The following C16orf96 variants were observed in gnomAD, a reference collection of about 807,000 sequenced individuals.
C16orf96 encodes the protein uncharacterized protein C16orf96.
In C16orf96, 108 loss-of-function variants were observed where a neutral mutation model predicts 103.6. The observed-to-expected ratio is 1.04, with a 90% CI of 0.89 to 1.22. C16orf96 has a LOEUF of 1.22. Among genes scored for constraint, C16orf96 ranks in the 50% most tolerant of loss-of-function variants. C16orf96 has a pLI of 0.00. For missense variants in C16orf96, 1,586 were observed against 1,464.2 expected, an observed-to-expected ratio of 1.08 and a Z score of -1.36; for synonymous variants, 566 against 593.5, an observed-to-expected ratio of 0.95 and a Z score of 0.67.
rs186917893 is a variant in C16orf96 at position 4,593,662 on chromosome 16, C to G, written c.2867+346C>G. ...AGGGAATCGGTGATGATGGGGAACC[C>G]TCAGGGAGCCGCTGCTGTGCCCGGC... On this transcript the variant is annotated intron_variant, in intron 12 of 15. Coordinates refer to ENST00000444310, the MANE Select transcript of C16orf96 (RefSeq NM_001145011.2). The surrounding 1 kb of genome is among the most constrained non-coding windows in gnomAD (Gnocchi z 4.2). 1.7e-3 allele frequency among the ~76,000 whole-genome samples: 261 copies of G among 152,252 alleles called. 1 individual carries two copies. Among genetic ancestry groups the G allele is most frequent in the African/African-American group, 6.1e-3 (254 of 41,560 alleles).
chr16:4,562,913 A>T, intron 1 of C16orf96: 1 of 1,421,338 alleles, frequency 7.0e-7, no homozygotes, highest in Non-Finnish European at 9.8e-7. Context: ...GTTTCATTTC[A>T]CCTTCAGGAT....
chr16:4,588,334 G>A lies in C16orf96; in HGVS notation c.2592+3G>A. 1 of 1,546,868 alleles carries A rather than the reference G, an allele frequency of 6.5e-7. No individual in the cohort carries two copies. Among genetic ancestry groups the A allele is most frequent in the Non-Finnish European group, 8.7e-7 (1 of 1,143,296 alleles). On this transcript the variant is annotated splice_donor_region_variant and intron_variant, in intron 9 of 15. Transcript: ENST00000444310. Reference sequence around the variant, plus strand: ...TCAGCAAGGACGTGAACACCAAGGTGAATGCCCCCATGTTGATTTTCACTT... The same window carrying A: ...TCAGCAAGGACGTGAACACCAAGGTAAATGCCCCCATGTTGATTTTCACTT...
intron 3 of C16orf96, 53 bp downstream of exon 3, chr16:4,574,842 C>G (rs1004173653): frequency 1.3e-6 from 2 of 1,537,958 alleles, no homozygotes; most frequent in African/African-American, 2.7e-5. Flanking sequence ...CCCCCAACCT[C>G]CCGGGTCCTG....
chr16:4,550,328 G>A, the C16orf96 span, among the ~76,000 whole-genome samples: 23 of 152,010 alleles, frequency 1.5e-4, no homozygotes, highest in Admixed American at 1.5e-3. Flanking sequence ...CACGTGATCC[G>A]CCCATCTCAG....
chr16:4,569,990 G>A (rs1012984091), intron 1 of C16orf96, among the ~76,000 whole-genome samples: 1 of 152,144 alleles, frequency 6.6e-6, no homozygotes, highest in African/African-American at 2.4e-5. Flanking sequence ...CGCTCAAAAG[G>A]AGACCCCTGC....
upstream of C16orf96, among the ~76,000 whole-genome samples, chr16:4,553,789 C>G (rs549848474): frequency 6.6e-6 from 1 of 152,294 alleles, no homozygotes; most frequent in East Asian, 1.9e-4. Flanking sequence ...GAAACGTTTT[C>G]CATCAGCACT....
In C16orf96 at chr16:4,568,889, C is replaced by G. The variant is rs537801890; in HGVS notation, c.421-2672C>G. 6.6e-5 allele frequency among the ~76,000 whole-genome samples: 10 copies of G among 152,156 alleles called. No individual in the cohort carries two copies. In the South Asian group the frequency reaches 1.9e-3, roughly 28 times the overall value. On this transcript the variant is annotated intron_variant, in intron 1 of 15. Transcript: ENST00000444310. ...AAGTGATCCACCTGCTTCAGCCCCCCAAAATGCTGGGATTACAGATGTGAG... is the reference window on the plus strand; with the variant it reads ...AAGTGATCCACCTGCTTCAGCCCCCGAAAATGCTGGGATTACAGATGTGAG...
the C16orf96 span, among the ~76,000 whole-genome samples, chr16:4,541,125 GC>G: frequency 6.6e-6 from 1 of 151,908 alleles, no homozygotes; most frequent in Non-Finnish European, 1.5e-5. Context: ...TGTTGGTCAG[GC>G]TGGTGTCGAT....
At chr16:4,559,546 A>C (rs4786522) in intron 1 of C16orf96, among the ~76,000 whole-genome samples, 1 of 135,698 alleles carries the variant, frequency 7.4e-6, no homozygotes, top group Non-Finnish European at 1.5e-5. Flanking sequence ...GCAAGACTCC[A>C]TCTCAAAAAA....
intron 11 of C16orf96, among the ~76,000 whole-genome samples, chr16:4,592,771 G>A (rs1231703341): frequency 1.3e-5 from 2 of 152,208 alleles, no homozygotes; most frequent in Non-Finnish European, 2.9e-5. Flanking sequence ...GGCTGAGATG[G>A]GAGGATGGCT....
chr16:4,576,314 G>C lies in C16orf96; in HGVS notation c.1834G>C (p.Ala612Pro). The part of the protein sequence containing the change: ...TKMAAIATDT[A>P]AAGPLGVFAD... The stretch of plus-strand genomic sequence containing the variant: ...AATGGCCGCCATTGCAACAGACACG[G>C]CTGCAGCTGGGCCCCTAGGGGTCTT... The change falls in exon 5 of 16, where the codon GCT becomes CCT. Residue 612 changes from alanine (A) to proline (P), a missense_variant. By Grantham distance (27) the Ala-to-Pro change is conservative. Coordinates refer to ENST00000444310, the MANE Select transcript of C16orf96 (RefSeq NM_001145011.2). 6.4e-7 allele frequency: 1 copy of C among 1,550,784 alleles called. No homozygotes were observed. The highest frequency in any genetic ancestry group is 8.7e-7 in the Non-Finnish European group (1 of 1,147,004).
upstream of C16orf96, among the ~76,000 whole-genome samples, chr16:4,554,165 G>A (rs1025991741): frequency 6.6e-6 from 1 of 152,132 alleles, no homozygotes; most frequent in African/African-American, 2.4e-5. Flanking sequence ...TCCTGGTCCT[G>A]TGGCAGCTGG....
rs1268833221 is a variant in C16orf96, at chr16:4,575,276, C to T, written c.796C>T (p.Gln266Ter). 1.5e-5 allele frequency: 23 copies of T among 1,550,558 alleles called. No individual in the cohort carries two copies. The highest frequency in any genetic ancestry group is 2.7e-5 in the African/African-American group (2 of 73,052). ...TKYLEATRAI[Q>*]VSEPVQNPQL... ...GTACCTTGAAGCTACTCGTGCCATC[C>T]AGGTCTCCGAGCCCGTCCAAAACCC... Residue 266 changes from glutamine (Q) to a stop codon, truncating the protein, a stop_gained, in exon 5 of 16, where the codon CAG becomes TAG. Transcript: ENST00000444310. LOFTEE classifies it high-confidence loss of function.
the C16orf96 span, among the ~76,000 whole-genome samples, chr16:4,543,458 A>G: frequency 6.6e-6 from 1 of 152,094 alleles, no homozygotes; most frequent in African/African-American, 2.4e-5. Flanking sequence ...GCTGAGTAAT[A>G]TGACTAGATT....
chr16:4,593,666 G>A lies in C16orf96; in HGVS notation c.2867+350G>A, dbSNP rs1897110292. 6.6e-6 allele frequency among the ~76,000 whole-genome samples: 1 copy of A among 152,120 alleles called. No homozygotes were observed. Among genetic ancestry groups the A allele is most frequent in the South Asian group, 2.1e-4 (1 of 4,830 alleles). On this transcript the variant is annotated intron_variant, in intron 12 of 15. Transcript: ENST00000444310. The surrounding 1 kb of genome is among the most constrained non-coding windows in gnomAD (Gnocchi z 4.2). ...AATCGGTGATGATGGGGAACCCTCA[G>A]GGAGCCGCTGCTGTGCCCGGCAGGC... is the stretch of plus-strand genomic sequence containing the variant.
rs1164446158 is a variant in C16orf96 at position 4,556,542 on chromosome 16, G to A, written c.53G>A (p.Cys18Tyr). The change falls in exon 1 of 16, where the codon TGC becomes TAC. Residue 18 changes from cysteine (C) to tyrosine (Y), a missense_variant. Cys to Tyr is a radical substitution (Grantham distance 194). Coordinates refer to ENST00000444310, the MANE Select transcript of C16orf96 (RefSeq NM_001145011.2). ...TELANIAIPQ[C>Y]GVLNFKALHL... The stretch of plus-strand genomic sequence containing the variant: ...CTGGCCAACATCGCCATCCCACAGT[G>A]CGGGGTGCTGAACTTCAAGGCCCTG... The A allele has an allele frequency of 6.4e-7, 1 of 1,550,566 alleles. No individual in the cohort carries two copies. The highest frequency in any genetic ancestry group is 1.4e-5 in the African/African-American group (1 of 73,012).
the C16orf96 span, among the ~76,000 whole-genome samples, chr16:4,547,443 T>C: frequency 6.7e-6 from 1 of 148,750 alleles, no homozygotes; most frequent in South Asian, 2.1e-4. Flanking sequence ...GGCCCACTTA[T>C]TGTGTGATTC....
In C16orf96 at chr16:4,576,578, C is replaced by G. The variant is rs369792596; in HGVS notation, c.2098C>G (p.Leu700Val). Reference sequence around the variant, plus strand: ...CCAGATACCTGTCAAACACGACTCTCTGAAGGAAGAATTTGCCCAGCTGTC... The same window carrying G: ...CCAGATACCTGTCAAACACGACTCTGTGAAGGAAGAATTTGCCCAGCTGTC... ...IAQIPVKHDS[L>V]KEEFAQLSCN... Residue 700 changes from leucine (L) to valine (V), a missense_variant, in exon 5 of 16, where the codon CTG becomes GTG. Transcript: ENST00000444310. 11 of 1,551,630 alleles carry G rather than the reference C, an allele frequency of 7.1e-6. No homozygotes were observed. In the East Asian group the frequency reaches 7.3e-5, roughly 10 times the overall value.
chr16:4,556,754 G>C lies in C16orf96; in HGVS notation c.265G>C (p.Asp89His). 1.2e-5 allele frequency: 19 copies of C among 1,551,682 alleles called. No individual in the cohort carries two copies. The highest frequency in any genetic ancestry group is 1.6e-5 in the Non-Finnish European group (18 of 1,147,004). ...NVFDHVVSRL[D>H]KLENQLALLQ... ...CTTCGACCACGTGGTGAGCCGCCTC[G>C]ACAAGTTGGAGAACCAGCTGGCCCT... The change falls in exon 1 of 16, where the codon GAC (aspartate) becomes CAC (histidine). Residue 89 changes from aspartate (D) to histidine (H), a missense_variant. Transcript: ENST00000444310.
Sources: gnomAD v4.1 joint callset for allele counts (sites outside exome capture counted in the v4.1 genomes callset) on GRCh38, gnomAD v4.1.1 for gene constraint, Gnocchi (gnomAD v3.1) non-coding constraint, MANE v1.5 for transcripts, NCBI Gene and HGNC (gene_info 2026-07-23, HGNC 2026-07-21) for gene names.